The following GULP1 variants were observed in gnomAD, a reference collection of about 807,000 sequenced individuals.
The protein encoded by GULP1 is PTB domain-containing engulfment adapter protein 1.
GULP1 carries 19 observed loss-of-function variants against 40.9 expected under a neutral mutation model. That is an observed-to-expected ratio of 0.46 (90% confidence interval 0.32 to 0.68). GULP1 has a LOEUF of 0.68. GULP1 is among the 30% of genes least tolerant of loss of function. The probability of loss-of-function intolerance (pLI) is 0.03; values close to 1 mark genes in which losing one functional copy is unlikely to be tolerated. For synonymous variants in GULP1, 119 were observed against 117.6 expected (o/e 1.01, Z -0.08); for missense variants, 312 against 362.2 (o/e 0.86, Z 1.12).
intron 2 of GULP1, among the ~76,000 whole-genome samples, chr2:188,463,596 A>G (rs367775088): frequency 3.3e-5 from 5 of 151,928 alleles, no homozygotes; most frequent in African/African-American, 7.3e-5. Context: ...TTCTACTCCT[A>G]TCTTTTTCTC....
At chr2:188,521,054 C>T (rs191015803) in intron 4 of GULP1, among the ~76,000 whole-genome samples, 168 of 151,810 alleles carry the variant, frequency 1.1e-3, no homozygotes, top group African/African-American at 4.0e-3. Flanking sequence ...TTTACAAACA[C>T]GTATTCTCCT....
intron 4 of GULP1, among the ~76,000 whole-genome samples, chr2:188,503,294 G>A (rs1414964812): frequency 1.3e-5 from 2 of 151,732 alleles, no homozygotes; most frequent in African/African-American, 4.8e-5. Context: ...TTGAGACTGG[G>A]TAATTTATAA....
intron 4 of GULP1, among the ~76,000 whole-genome samples, chr2:188,512,019 G>T (rs2064617632): frequency 6.6e-6 from 1 of 152,024 alleles, no homozygotes; most frequent in Admixed American, 6.6e-5. Context: ...CTATTATGAT[G>T]TGCTTTTTAA....
At chr2:188,368,241 G>T (rs1373013882) in intron 1 of GULP1, among the ~76,000 whole-genome samples, 2 of 152,124 alleles carry the variant, frequency 1.3e-5, no homozygotes, top group African/African-American at 4.8e-5. Flanking sequence ...AACTGAGAAA[G>T]AATGTGTTTT....
At chr2:188,408,285 T>C (rs560082100) in intron 2 of GULP1, among the ~76,000 whole-genome samples, 42 of 152,272 alleles carry the variant, frequency 2.8e-4, no homozygotes, top group African/African-American at 8.7e-4. Context: ...GAACTGCGAG[T>C]TAAATAAACT....
intron 2 of GULP1, among the ~76,000 whole-genome samples, chr2:188,472,898 G>A (rs1403511196): frequency 1.3e-5 from 2 of 152,162 alleles, no homozygotes; most frequent in Admixed American, 6.5e-5. Flanking sequence ...TGTAGTCTTT[G>A]CAGTCTGCTC....
At chr2:188,584,870 T>TA (rs1702039573) in intron 10 of GULP1, among the ~76,000 whole-genome samples, 1 of 152,158 alleles carries the variant, frequency 6.6e-6, no homozygotes, top group South Asian at 2.1e-4. Flanking sequence ...CTTTCCTATC[T>TA]AAAATGCTAT....
intron 1 of GULP1, among the ~76,000 whole-genome samples, chr2:188,307,113 A>G (rs1442240542): frequency 6.6e-6 from 1 of 152,200 alleles, no homozygotes; most frequent in African/African-American, 2.4e-5. Flanking sequence ...TAGGTGGTCA[A>G]TAAATGATAG....
chr2:188,438,446 A>G (rs536574180), intron 2 of GULP1, among the ~76,000 whole-genome samples: 51 of 150,798 alleles, frequency 3.4e-4, no homozygotes, highest in African/African-American at 1.2e-3. Context: ...ATATATGACT[A>G]CCAAATTATT....
intron 2 of GULP1, among the ~76,000 whole-genome samples, chr2:188,470,257 T>C (rs1005187110): frequency 1.3e-5 from 2 of 152,160 alleles, no homozygotes; most frequent in African/African-American, 4.8e-5. Context: ...GTTCATGTTT[T>C]GAATATCTTC....
intron 1 of GULP1, among the ~76,000 whole-genome samples, chr2:188,340,671 G>T (rs2042842339): frequency 6.6e-6 from 1 of 152,246 alleles, no homozygotes. Flanking sequence ...AGGGCAGAGG[G>T]TAAGTATGAC....
intron 1 of GULP1, among the ~76,000 whole-genome samples, chr2:188,296,391 T>C (rs1383953928): frequency 6.6e-6 from 1 of 152,098 alleles, no homozygotes; most frequent in Non-Finnish European, 1.5e-5. Context: ...AGTTTTTTGT[T>C]TGTTTTATGC....
chr2:188,410,384 A>G (rs2053702736), intron 2 of GULP1, among the ~76,000 whole-genome samples: 1 of 152,168 alleles, frequency 6.6e-6, no homozygotes, highest in Non-Finnish European at 1.5e-5. Flanking sequence ...AGCCAAGGAA[A>G]CAATCAACAA....
intron 2 of GULP1, among the ~76,000 whole-genome samples, chr2:188,424,787 C>T (rs2055940893): frequency 6.6e-6 from 1 of 151,592 alleles, no homozygotes; most frequent in African/African-American, 2.4e-5. Flanking sequence ...GTTTTTGTTT[C>T]CCATGTAACA....
intron 2 of GULP1, among the ~76,000 whole-genome samples, chr2:188,433,233 A>C (rs919410812): frequency 6.6e-6 from 1 of 152,060 alleles, no homozygotes; most frequent in Non-Finnish European, 1.5e-5. Context: ...GGTTGCTCCA[A>C]AGGGGGTCAT....
intron 4 of GULP1, among the ~76,000 whole-genome samples, chr2:188,505,791 T>G (rs1385349167): frequency 2.0e-5 from 3 of 151,880 alleles, no homozygotes; most frequent in South Asian, 2.1e-4. Context: ...TTGAAATAAT[T>G]TATGATATAT....
At chr2:188,442,893 C>T (rs2058056845) in intron 2 of GULP1, among the ~76,000 whole-genome samples, 1 of 152,262 alleles carries the variant, frequency 6.6e-6, no homozygotes, top group Non-Finnish European at 1.5e-5. Context: ...TCATAGCTTT[C>T]CCTGTCTGAA....
intron 4 of GULP1, among the ~76,000 whole-genome samples, chr2:188,516,194 A>G (rs1559332632): frequency 6.6e-6 from 1 of 152,108 alleles, no homozygotes; most frequent in Non-Finnish European, 1.5e-5. Flanking sequence ...TCTTACTGAG[A>G]ACTGGGACAT....
intron 4 of GULP1, among the ~76,000 whole-genome samples, chr2:188,518,509 G>T (rs1195799622): frequency 6.6e-6 from 1 of 152,104 alleles, no homozygotes; most frequent in Admixed American, 6.5e-5. Context: ...GGTGGTGTGG[G>T]TATGGGAGGG....
Sources: allele counts gnomAD v4.1 joint callset (sites outside exome capture counted in the v4.1 genomes callset), GRCh38; gene constraint gnomAD v4.1.1; transcripts MANE v1.5; gene names NCBI Gene and HGNC (gene_info 2026-07-23, HGNC 2026-07-21).